ASIC2: variants seen among roughly 807,000 people sequenced by gnomAD.
ASIC2 encodes acid sensing ion channel subunit 2.
In ASIC2, 25 loss-of-function variants were observed where a neutral mutation model predicts 57.3. The ratio of observed to expected loss-of-function variants is 0.44; its 90% CI spans 0.32 to 0.61. The LOEUF (loss-of-function observed/expected upper bound fraction) is 0.61, where lower values mean the gene tolerates loss of function less well. Ranked by LOEUF, ASIC2 falls within the 20% of genes least tolerant of loss-of-function variation. The pLI, the probability that ASIC2 is intolerant of heterozygous loss-of-function variation, is 0.06. For synonymous variants in ASIC2, 319 were observed against 307.5 expected, an observed-to-expected ratio of 1.04 and a Z score of -0.39; for missense variants, 641 against 738.1, an observed-to-expected ratio of 0.87 and a Z score of 1.52.
At chr17:33,370,031 C>T (rs1397968728) in intron 1 of ASIC2, among the ~76,000 whole-genome samples, 1 of 152,066 alleles carries the variant, frequency 6.6e-6, no homozygotes, top group African/African-American at 2.4e-5. Flanking sequence ...CATGCAGGGC[C>T]AGAGATGATG....
intron 1 of ASIC2, among the ~76,000 whole-genome samples, chr17:34,120,392 G>C (rs1221773616): frequency 6.6e-6 from 1 of 151,898 alleles, no homozygotes; most frequent in Non-Finnish European, 1.5e-5. Flanking sequence ...ATACAGTATA[G>C]AGTGTGTCTG....
chr17:33,326,689 AC>A (rs1347636352), intron 1 of ASIC2, among the ~76,000 whole-genome samples: 2 of 152,182 alleles, frequency 1.3e-5, no homozygotes, highest in African/African-American at 4.8e-5. Flanking sequence ...TTGCTGATGA[AC>A]TTTTTCCCCA....
intron 1 of ASIC2, among the ~76,000 whole-genome samples, chr17:33,841,366 T>C (rs1207427284): frequency 1.3e-5 from 2 of 152,178 alleles, no homozygotes; most frequent in Non-Finnish European, 2.9e-5. Context: ...AATGCACTGT[T>C]TAATTTTTTT....
At chr17:33,224,556 T>A (rs1273206960) in intron 1 of ASIC2, among the ~76,000 whole-genome samples, 1 of 152,146 alleles carries the variant, frequency 6.6e-6, no homozygotes, top group Non-Finnish European at 1.5e-5. Flanking sequence ...TGGATCAATA[T>A]CGAATGAATG....
chr17:33,376,571 G>C (rs182040359), intron 1 of ASIC2, among the ~76,000 whole-genome samples: 1 of 152,086 alleles, frequency 6.6e-6, no homozygotes, highest in Admixed American at 6.5e-5. Flanking sequence ...TCAATCCATC[G>C]CAATTCTGAG....
intron 1 of ASIC2, among the ~76,000 whole-genome samples, chr17:33,346,029 C>A (rs1213764228): frequency 6.6e-6 from 1 of 151,872 alleles, no homozygotes; most frequent in Admixed American, 6.6e-5. Flanking sequence ...AAGCTCAAGA[C>A]CAGCCTGGGC....
At chr17:34,057,990 A>C (rs1377306287) in intron 1 of ASIC2, among the ~76,000 whole-genome samples, 2 of 152,172 alleles carry the variant, frequency 1.3e-5, no homozygotes, top group East Asian at 3.8e-4. Context: ...ACACCCATGT[A>C]CTTGTGTGCG....
chr17:33,160,682 C>T (rs1905137951), intron 1 of ASIC2, among the ~76,000 whole-genome samples: 1 of 152,184 alleles, frequency 6.6e-6, no homozygotes. Context: ...GCAGGAATGC[C>T]CCTCTGATAG....
At chr17:34,150,416 T>C (rs1163853261) in intron 1 of ASIC2, among the ~76,000 whole-genome samples, 2 of 151,908 alleles carry the variant, frequency 1.3e-5, no homozygotes, top group African/African-American at 4.8e-5. Flanking sequence ...CCCAAGAAAA[T>C]GGTAAGTATA....
At chr17:33,739,076 T>C (rs986816136) in intron 1 of ASIC2, among the ~76,000 whole-genome samples, 7 of 152,216 alleles carry the variant, frequency 4.6e-5, no homozygotes, top group Non-Finnish European at 7.3e-5. Context: ...GGCAGTGCTG[T>C]GGTGATGCAT....
chr17:33,197,599 G>A (rs1040800103), intron 1 of ASIC2, among the ~76,000 whole-genome samples: 4 of 152,222 alleles, frequency 2.6e-5, no homozygotes, highest in Non-Finnish European at 2.9e-5. Flanking sequence ...ATTGATGAAT[G>A]CACCCTCTCC....
At chr17:33,724,751 C>T (rs1269058713) in intron 1 of ASIC2, among the ~76,000 whole-genome samples, 1 of 152,052 alleles carries the variant, frequency 6.6e-6, no homozygotes, top group East Asian at 1.9e-4. Context: ...CCATTAAACA[C>T]CCAATGAAAT....
chr17:33,435,662 T>C (rs1911585972), intron 1 of ASIC2, among the ~76,000 whole-genome samples: 1 of 152,126 alleles, frequency 6.6e-6, no homozygotes, highest in Non-Finnish European at 1.5e-5. Context: ...AGGGGAAATG[T>C]CTCTTTATAG....
At chr17:33,569,938 C>A (rs914459151) in intron 1 of ASIC2, among the ~76,000 whole-genome samples, 9 of 152,116 alleles carry the variant, frequency 5.9e-5, no homozygotes, top group Non-Finnish European at 1.2e-4. Context: ...GCTCACTTTC[C>A]CCTGGGGCAA....
chr17:33,219,968 G>A (rs2142096541), intron 1 of ASIC2, among the ~76,000 whole-genome samples: 1 of 152,294 alleles, frequency 6.6e-6, no homozygotes, highest in South Asian at 2.1e-4. Context: ...GATGTCCCAT[G>A]GGGGTTAAGT....
chr17:33,412,595 A>G (rs1910701719), intron 1 of ASIC2, among the ~76,000 whole-genome samples: 1 of 152,216 alleles, frequency 6.6e-6, no homozygotes. Flanking sequence ...CTGAGGCAAA[A>G]CTATGAAATA....
chr17:33,498,961 T>C lies in ASIC2; in HGVS notation c.556-386894A>G, dbSNP rs559302857. Reference sequence around the variant, plus strand: ...CATGGTTTTACTGGGTTCTGAATCATAGAACTGTCTGGAAGACGAGGAGTT... The same window carrying C: ...CATGGTTTTACTGGGTTCTGAATCACAGAACTGTCTGGAAGACGAGGAGTT... On this transcript the variant is annotated intron_variant, in intron 1 of 9. Coordinates refer to the ASIC2 transcript ENST00000359872. 1.2e-4 allele frequency among the ~76,000 whole-genome samples: 19 copies of C among 152,300 alleles called. No homozygotes were observed. In the East Asian group the frequency reaches 2.7e-3, roughly 22 times the overall value.
At chr17:34,004,226 A>G (rs1424043915) in intron 1 of ASIC2, 1 of 152,286 alleles carries the variant, frequency 6.6e-6, no homozygotes. Flanking sequence ...GAAGGCTGTA[A>G]GTCTGTTTTA....
chr17:34,117,113 T>C (rs1911449521), intron 1 of ASIC2, among the ~76,000 whole-genome samples: 1 of 152,204 alleles, frequency 6.6e-6, no homozygotes, highest in African/African-American at 2.4e-5. Context: ...TTTCCCCAGA[T>C]TCATCCCTTC....
Sources: allele counts gnomAD v4.1 joint callset (sites outside exome capture counted in the v4.1 genomes callset), GRCh38; gene constraint gnomAD v4.1.1; transcripts MANE v1.5; gene names NCBI Gene and HGNC (gene_info 2026-07-23, HGNC 2026-07-21).